GBE1: variants seen among roughly 807,000 people sequenced by gnomAD.
GBE1 encodes the protein 1,4-alpha-glucan-branching enzyme.
A neutral mutation model predicts 88.8 loss-of-function variants in GBE1; 70 were observed. The ratio of observed to expected loss-of-function variants is 0.79; its 90% CI spans 0.65 to 0.96. The LOEUF is 0.96. Ranked by LOEUF, GBE1 falls within the 40% of genes least tolerant of loss-of-function variation. The probability of loss-of-function intolerance (pLI) is 0.00; values close to 1 mark genes in which losing one functional copy is unlikely to be tolerated. For missense variants in GBE1, 872 were observed against 871.0 expected, an observed-to-expected ratio of 1.00 and a Z score of -0.01; for synonymous variants, 284 against 300.1, an observed-to-expected ratio of 0.95 and a Z score of 0.56.
intron 3 of GBE1, among the ~76,000 whole-genome samples, chr3:81,663,323 CA>C (rs1705056219): frequency 6.6e-6 from 1 of 152,182 alleles, no homozygotes; most frequent in Non-Finnish European, 1.5e-5. Flanking sequence ...AGGACCACAT[CA>C]GCGTAAGCAG....
chr3:81,749,164 T>C (rs1461833647), intron 1 of GBE1, among the ~76,000 whole-genome samples: 1 of 152,014 alleles, frequency 6.6e-6, no homozygotes, highest in Non-Finnish European at 1.5e-5. Context: ...TTTACTGTAA[T>C]ATTTGTAATA....
At chr3:81,644,781 A>T (rs1462960259) in intron 6 of GBE1, among the ~76,000 whole-genome samples, 1 of 152,200 alleles carries the variant, frequency 6.6e-6, no homozygotes, top group Non-Finnish European at 1.5e-5. Context: ...GAAATAACCC[A>T]GGTAAAAGAT....
chr3:81,623,573 G>A (rs1704361582), intron 7 of GBE1, among the ~76,000 whole-genome samples: 1 of 152,190 alleles, frequency 6.6e-6, no homozygotes, highest in Admixed American at 6.5e-5. Flanking sequence ...CCAGGGTTCA[G>A]GAAGGTTGGG....
At chr3:81,556,714 T>C (rs182552108) in intron 12 of GBE1, among the ~76,000 whole-genome samples, 4 of 152,210 alleles carry the variant, frequency 2.6e-5, no homozygotes. Context: ...TGTATTTAAT[T>C]ACAAATTATA....
At chr3:81,737,067 A>C (rs1277944378) in intron 1 of GBE1, among the ~76,000 whole-genome samples, 1 of 151,660 alleles carries the variant, frequency 6.6e-6, no homozygotes, top group Non-Finnish European at 1.5e-5. Context: ...ATTCAATAGG[A>C]CATAAATGAT....
Position 81,526,597 on chromosome 3 carries a change from T to C in GBE1, c.1934+8598A>G, listed in dbSNP as rs188176315. Among the ~76,000 whole-genome samples, 1,142 of 152,098 alleles carry C rather than the reference T, an allele frequency of 7.5e-3. 11 individuals carry two copies. The highest frequency in any genetic ancestry group is 0.02 in the Middle Eastern group (6 of 294). On this transcript the variant is annotated intron_variant, in intron 14 of 15. Coordinates refer to ENST00000429644, the MANE Select transcript of GBE1 (RefSeq NM_000158.4). ...AATAACAGACAAACAGAGAGCCAAA[T>C]CATGAGTGAACTCCCATTCACAATT... is the stretch of plus-strand genomic sequence containing the variant.
intron 9 of GBE1, among the ~76,000 whole-genome samples, chr3:81,586,869 A>T (rs1229515467): frequency 1.3e-5 from 2 of 151,670 alleles, no homozygotes; most frequent in Non-Finnish European, 2.9e-5. Flanking sequence ...GCTCACTGCA[A>T]CCTCTGCCTC....
intron 7 of GBE1, among the ~76,000 whole-genome samples, chr3:81,618,591 A>G (rs1319537146): frequency 6.6e-6 from 1 of 152,148 alleles, no homozygotes; most frequent in Non-Finnish European, 1.5e-5. Flanking sequence ...CGCCTTTGAC[A>G]TTCTAAATCA....
intron 1 of GBE1, among the ~76,000 whole-genome samples, chr3:81,714,916 T>C (rs916515597): frequency 6.6e-6 from 1 of 152,106 alleles, no homozygotes; most frequent in African/African-American, 2.4e-5. Flanking sequence ...TCTCTTCTTA[T>C]AAAGCCACTA....
chr3:81,629,561 C>T (rs1559669048), intron 7 of GBE1, among the ~76,000 whole-genome samples: 1 of 151,672 alleles, frequency 6.6e-6, no homozygotes, highest in Non-Finnish European at 1.5e-5. Flanking sequence ...GTAGATTTAC[C>T]CAATGTAATG....
intron 1 of GBE1, among the ~76,000 whole-genome samples, chr3:81,745,903 A>T (rs980420019): frequency 6.6e-6 from 1 of 152,152 alleles, no homozygotes. Flanking sequence ...GTGGCATGCT[A>T]TGATTTCTAA....
At chr3:81,531,642 T>G (rs1452747437) in intron 14 of GBE1, among the ~76,000 whole-genome samples, 2 of 151,698 alleles carry the variant, frequency 1.3e-5, no homozygotes, top group East Asian at 3.9e-4. Context: ...GAGCCTGAAA[T>G]AGGGGCTTCA....
At chr3:81,527,303 G>C (rs1016380027) in intron 14 of GBE1, among the ~76,000 whole-genome samples, 1 of 152,090 alleles carries the variant, frequency 6.6e-6, no homozygotes, top group African/African-American at 2.4e-5. Context: ...TCAGGACATA[G>C]GCATGGGAAA....
At position 81,551,938 on chromosome 3, in the gene GBE1, C is replaced by T. The variant is rs537664454; in HGVS notation, c.1619-14843G>A. On this transcript the variant is annotated intron_variant, in intron 12 of 15. Coordinates refer to ENST00000429644, the MANE Select transcript of GBE1 (RefSeq NM_000158.4). ...GCTGAAAGGGGCCAGGAATGTGGTGCTGAATGTTAGAACTAGGGAAGCATG... is the reference window on the plus strand; with the variant it reads ...GCTGAAAGGGGCCAGGAATGTGGTGTTGAATGTTAGAACTAGGGAAGCATG... 8.3e-4 allele frequency among the ~76,000 whole-genome samples: 126 copies of T among 152,280 alleles called. 1 individual carries two copies. The highest frequency in any genetic ancestry group is 5.2e-4 in the Admixed American group (8 of 15,298).
chr3:81,512,056 A>G (rs377558434), intron 14 of GBE1, among the ~76,000 whole-genome samples: 317 of 152,112 alleles, frequency 2.1e-3, no homozygotes, highest in African/African-American at 7.4e-3. Context: ...ACATGGATGT[A>G]GCTAGAGGTC....
At position 81,685,023 on chromosome 3, in the gene GBE1, C is replaced by T. The variant is rs1208805691; in HGVS notation, c.314-14070G>A. ...CCTAGCATTAACCTTGGTGTTATAGCCTTGTGGAGGATAACAACAAAAGTA... is the reference window on the plus strand; with the variant it reads ...CCTAGCATTAACCTTGGTGTTATAGTCTTGTGGAGGATAACAACAAAAGTA... On this transcript the variant is annotated intron_variant, in intron 2 of 15. Transcript: ENST00000429644. 2.6e-5 allele frequency among the ~76,000 whole-genome samples: 4 copies of T among 152,152 alleles called. No individual in the cohort carries two copies. In the East Asian group the frequency reaches 7.7e-4, roughly 29 times the overall value.
intron 1 of GBE1, among the ~76,000 whole-genome samples, chr3:81,717,057 G>A (rs1257844776): frequency 1.3e-5 from 2 of 152,112 alleles, no homozygotes; most frequent in Admixed American, 6.5e-5. Context: ...TTCCAGTCAC[G>A]CTCCTGTTCA....
At position 81,725,731 on chromosome 3, in the gene GBE1, T is replaced by C. The variant is rs78658539; in HGVS notation, c.144-20118A>G. 4.2e-3 allele frequency among the ~76,000 whole-genome samples: 634 copies of C among 152,344 alleles called. 11 individuals are homozygous for C. Among genetic ancestry groups the C allele is most frequent in the Admixed American group, 0.031 (469 of 15,302 alleles). ...ATTAGTGCATTGCACTATGGCATTATTGGTGATGTCACTATGTGATAAACA... is the reference window on the plus strand; with the variant it reads ...ATTAGTGCATTGCACTATGGCATTACTGGTGATGTCACTATGTGATAAACA... On this transcript the variant is annotated intron_variant, in intron 1 of 15. Coordinates refer to ENST00000429644, the MANE Select transcript of GBE1 (RefSeq NM_000158.4).
intron 7 of GBE1, among the ~76,000 whole-genome samples, chr3:81,594,927 G>A (rs1703936243): frequency 6.6e-6 from 1 of 151,774 alleles, no homozygotes; most frequent in Non-Finnish European, 1.5e-5. Flanking sequence ...CTCCGTAATA[G>A]TGTACACAAA....
Sources: allele counts gnomAD v4.1 joint callset (sites outside exome capture counted in the v4.1 genomes callset), GRCh38; gene constraint gnomAD v4.1.1; transcripts MANE v1.5; gene names NCBI Gene and HGNC (gene_info 2026-07-23, HGNC 2026-07-21).